The following ATPAF2 variants were observed in gnomAD, a reference collection of about 807,000 sequenced individuals.
The protein encoded by ATPAF2 is ATP12 homolog.
Under a neutral mutation model 36.6 loss-of-function variants are expected in ATPAF2, and 30 were observed. The observed-to-expected ratio is 0.82, with a 90% CI of 0.61 to 1.11. The LOEUF (loss-of-function observed/expected upper bound fraction) is 1.11, where lower values mean the gene tolerates loss of function less well. Among genes scored for constraint, ATPAF2 ranks in the 50% most tolerant of loss-of-function variants. The pLI, the probability that ATPAF2 is intolerant of heterozygous loss-of-function variation, is 0.00. For missense variants in ATPAF2, 321 were observed against 372.3 expected (o/e 0.86, Z 1.13); for synonymous variants, 140 against 152.6 (o/e 0.92, Z 0.61).
At chr17:18,026,696 C>T in intron 3 of ATPAF2, 1 of 537,450 alleles carries the variant, frequency 1.9e-6, no homozygotes, top group Admixed American at 3.1e-5. Flanking sequence ...CTTTTATTAC[C>T]AGGCTCTAGT....
chr17:18,021,303 G>A, intron 6 of ATPAF2, 65 bp from the exon 7 acceptor site: 12 of 1,229,414 alleles, frequency 9.8e-6, no homozygotes, highest in Non-Finnish European at 1.4e-5. Flanking sequence ...CCCCTTGTGA[G>A]TCCCAGCAGC....
chr17:18,030,320 C>CAAAAAAAAAAAAAAAAAAAAAAAAAAA (rs1162130285), intron 1 of ATPAF2, among the ~76,000 whole-genome samples: 2 of 64,112 alleles, frequency 3.1e-5, no homozygotes, highest in African/African-American at 6.4e-5. Flanking sequence ...GACTCCATCT[C>CAAAAAAAAAAAAAAAAAAAAAAAAAAA]AAAAAAAAAA....
chr17:18,017,247 A>C (rs910979490), downstream of ATPAF2, among the ~76,000 whole-genome samples: 1 of 148,548 alleles, frequency 6.7e-6, no homozygotes, highest in Non-Finnish European at 1.5e-5. Context: ...TGAGATGAAC[A>C]GCCGGTCCCA....
chr17:18,021,576 G>A lies in ATPAF2; in HGVS notation c.616+169C>T, dbSNP rs2044469049. 2.1e-5 allele frequency: 15 copies of A among 702,262 alleles called. No individual in the cohort carries two copies. In the Admixed American group the frequency reaches 3.1e-4, roughly 15 times the overall value. 43.5% of individuals were successfully genotyped at this position (702,262 alleles called of 1,614,324 possible). A position where few individuals can be genotyped will look rare whatever the true frequency, so the allele number is the denominator to read the frequency against. On this transcript the variant is annotated intron_variant, in intron 6 of 7. Transcript: ENST00000474627. ...TCGAAGGTGGAAAGGTGTGAGCCTA[G>A]AGCGTAGAGTGATTGGCTAGCATCA... is the stretch of plus-strand genomic sequence containing the variant.
chr17:18,027,665 G>C (rs1297164783), intron 3 of ATPAF2, among the ~76,000 whole-genome samples: 1 of 152,182 alleles, frequency 6.6e-6, no homozygotes, highest in African/African-American at 2.4e-5. Context: ...AGGCAGCCTT[G>C]GTGCCTAGGC....
intron 7 of ATPAF2, 72 bp downstream of exon 7, chr17:18,021,051 T>A: frequency 6.5e-7 from 1 of 1,544,100 alleles, no homozygotes; most frequent in East Asian, 2.4e-5. Context: ...ATATTTCAGA[T>A]GGGTTAGCTG....
chr17:18,022,648 G>A (rs912143347), intron 5 of ATPAF2, among the ~76,000 whole-genome samples: 1 of 148,216 alleles, frequency 6.7e-6, no homozygotes, highest in Non-Finnish European at 1.5e-5. Flanking sequence ...TCTACCCCAG[G>A]CTGAAGTGCA....
Position 18,018,470 on chromosome 17 carries a change from C to T in ATPAF2, c.*79G>A. 2 of 1,596,012 alleles carry T rather than the reference C, an allele frequency of 1.3e-6. No individual in the cohort carries two copies. The highest frequency in any genetic ancestry group is 2.7e-5 in the African/African-American group (2 of 74,860). On this transcript the variant is annotated 3_prime_UTR_variant, in exon 8 of 8. Coordinates refer to ENST00000474627, the MANE Select transcript of ATPAF2 (RefSeq NM_145691.4). Reference sequence around the variant, plus strand: ...CCCCAAAAGCCAAGGAAGCCAGCCCCACAGGCTGGGGAGCCCTGAAGGCCG... The same window carrying T: ...CCCCAAAAGCCAAGGAAGCCAGCCCTACAGGCTGGGGAGCCCTGAAGGCCG...
rs181309634 is a variant in ATPAF2, at chr17:18,025,114, A to T, written c.423-410T>A. On this transcript the variant is annotated intron_variant, in intron 4 of 7. Transcript: ENST00000474627. ...CTACTAACTGCAACCCTGGGTCCAC[A>T]CCCGCTTGACCCAGATGCTGAATGG... 13 of 322,092 alleles carry T rather than the reference A, an allele frequency of 4.0e-5. No homozygotes were observed. In the East Asian group the frequency reaches 9.9e-4, roughly 25 times the overall value. The allele number at this position is 322,092 out of a possible 1,614,324, so 20.0% of individuals were successfully genotyped here.
intron 4 of ATPAF2, chr17:18,025,052 T>G (rs1028877363): frequency 5.4e-6 from 2 of 372,648 alleles, no homozygotes; most frequent in Admixed American, 7.6e-5. Flanking sequence ...GGTCCAAGCT[T>G]GCCACACTGT....
rs767300702 is a variant in ATPAF2, at chr17:18,028,381, G to C, written c.179-4C>G. The C allele has an allele frequency of 1.9e-6, 3 of 1,613,712 alleles. No homozygotes were observed. The highest frequency in any genetic ancestry group is 2.7e-5 in the African/African-American group (2 of 74,884). ...TCCAGGTTTATCTCAAAGCCACCTT[G>C]AAAGATCAAATGAAAAACTCTCAGG... On this transcript the variant is annotated splice_polypyrimidine_tract_variant and splice_region_variant and intron_variant, in intron 2 of 7. Transcript: ENST00000474627.
chr17:18,029,879 T>TAAGAAA (rs2044602029), intron 1 of ATPAF2, among the ~76,000 whole-genome samples: 1 of 53,208 alleles, frequency 1.9e-5, no homozygotes, highest in African/African-American at 7.6e-5. Flanking sequence ...CCTTTAACGC[T>TAAGAAA]AAAAAAAAAA....
At chr17:18,029,504 G>A (rs2955377) in intron 1 of ATPAF2, among the ~76,000 whole-genome samples, 61,348 of 152,070 alleles carry the variant, frequency 0.4, 13,527 homozygotes, top group East Asian at 0.87. Flanking sequence ...AAAGTCTTTG[G>A]AGACCCTAAC....
intron 1 of ATPAF2, among the ~76,000 whole-genome samples, chr17:18,033,772 G>T (rs1440858285): frequency 6.6e-6 from 1 of 152,034 alleles, no homozygotes; most frequent in Non-Finnish European, 1.5e-5. Context: ...ACTCTTTTCA[G>T]GTATCAAAAT....
chr17:18,037,528 G>A (rs1225838848), intron 1 of ATPAF2, among the ~76,000 whole-genome samples: 1 of 152,142 alleles, frequency 6.6e-6, no homozygotes, highest in African/African-American at 2.4e-5. Context: ...AGGTTGCAGT[G>A]AGCCGAGATG....
rs1382763888 is a variant in ATPAF2, at chr17:18,021,250, C to A, written c.617-12G>T. 6.2e-7 allele frequency: 1 copy of A among 1,601,936 alleles called. No homozygotes were observed. Among genetic ancestry groups the A allele is most frequent in the Non-Finnish European group, 8.5e-7 (1 of 1,174,286 alleles). ...TACAAACTCAATCCCTGCAGGGACA[C>A]AAGCCAAGTCAGAACCCAAAACAGG... On this transcript the variant is annotated splice_polypyrimidine_tract_variant and intron_variant, in intron 6 of 7. Coordinates refer to ENST00000474627, the MANE Select transcript of ATPAF2 (RefSeq NM_145691.4).
At chr17:18,030,669 C>CTT (rs545874481) in intron 1 of ATPAF2, among the ~76,000 whole-genome samples, 29 of 136,020 alleles carry the variant, frequency 2.1e-4, no homozygotes, top group East Asian at 1.9e-3. Context: ...TTTTCTTTTT[C>CTT]TTTTTTTTTT....
At position 18,028,570 on chromosome 17, in the gene ATPAF2, C is replaced by CAAAA. The variant is rs10652393; in HGVS notation, c.178+41_178+44dup. ...GATGAAAAATGTTCCCAACCATTCA[C>CAAAA]AAAAAAAAAAAAAAAAAGAGGCAGT... On this transcript the variant is annotated intron_variant, in intron 2 of 7. Transcript: ENST00000474627. 5.3e-3 allele frequency: 7,051 copies of CAAAA among 1,341,402 alleles called. 64 individuals are homozygous for CAAAA. Among genetic ancestry groups the CAAAA allele is most frequent in the East Asian group, 0.02 (759 of 38,772 alleles). 83.1% of individuals were successfully genotyped at this position (1,341,402 alleles called of 1,614,324 possible).
chr17:18,026,030 C>G, intron 4 of ATPAF2: 5 of 520,686 alleles, frequency 9.6e-6, no homozygotes, highest in Non-Finnish European at 1.4e-5. Flanking sequence ...CCCCCCTAGG[C>G]CTAAGGGGCC....
Sources: gnomAD v4.1 joint callset for allele counts (sites outside exome capture counted in the v4.1 genomes callset) on GRCh38, gnomAD v4.1.1 for gene constraint, MANE v1.5 for transcripts, NCBI Gene and HGNC (gene_info 2026-07-23, HGNC 2026-07-21) for gene names.